Variants in LRRC8D observed in about 807,000 individuals in gnomAD.
The protein encoded by LRRC8D is leucine rich repeat containing 8 VRAC subunit D, also known as volume-regulated anion channel subunit LRRC8D.
LRRC8D carries 20 observed loss-of-function variants against 55.8 expected under a neutral mutation model. That is an observed-to-expected ratio of 0.36 (90% confidence interval 0.25 to 0.52). The LOEUF is 0.52. Ranked by LOEUF, LRRC8D falls within the 20% of genes least tolerant of loss-of-function variation. The pLI, the probability that LRRC8D is intolerant of heterozygous loss-of-function variation, is 0.93. For missense variants in LRRC8D, 651 were observed against 1,030.8 expected, an observed-to-expected ratio of 0.63 and a Z score of 5.05; for synonymous variants, 352 against 377.0, an observed-to-expected ratio of 0.93 and a Z score of 0.77.
intron 2 of LRRC8D, among the ~76,000 whole-genome samples, chr1:89,888,836 G>A (rs1223532038): frequency 6.6e-6 from 1 of 152,166 alleles, no homozygotes; most frequent in Admixed American, 6.5e-5. Flanking sequence ...AAATAAAGTA[G>A]TAATGAACTG....
intron 2 of LRRC8D, among the ~76,000 whole-genome samples, chr1:89,904,985 TG>T (rs1352056760): frequency 7.9e-6 from 1 of 127,208 alleles, no homozygotes; most frequent in Non-Finnish European, 1.9e-5. Flanking sequence ...AATTTTTACA[TG>T]GAAGTACTTG....
intron 2 of LRRC8D, among the ~76,000 whole-genome samples, chr1:89,856,223 T>C (rs1661547289): frequency 6.6e-6 from 1 of 152,180 alleles, no homozygotes; most frequent in Admixed American, 6.5e-5. Flanking sequence ...AAAATTAAAC[T>C]TGCTAGATCA....
chr1:89,920,633 T>A lies in LRRC8D; in HGVS notation c.-2-12434T>A, dbSNP rs77357507. 3.4e-4 allele frequency among the ~76,000 whole-genome samples: 52 copies of A among 151,816 alleles called. 1 individual carries two copies. The East Asian group carries it at 9.5e-3, about 28-fold the overall frequency. On this transcript the variant is annotated intron_variant, in intron 2 of 2. Transcript: ENST00000337338. ...GAATTATATCAGCTATAGAGTATAT[T>A]GTATACTTGTAATACCCATAACTAT...
At chr1:89,923,948 TAAA>T (rs1663488964) in intron 2 of LRRC8D, among the ~76,000 whole-genome samples, 1 of 152,210 alleles carries the variant, frequency 6.6e-6, no homozygotes, top group African/African-American at 2.4e-5. Flanking sequence ...TTAAAGGACT[TAAA>T]GGTAAGACCT....
chr1:89,930,655 G>A (rs1663683626), intron 2 of LRRC8D, among the ~76,000 whole-genome samples: 1 of 151,942 alleles, frequency 6.6e-6, no homozygotes, highest in Admixed American at 6.6e-5. Context: ...TTAAAGCCAT[G>A]GTCCCCAGGT....
At chr1:89,883,662 C>T (rs920787393) in intron 2 of LRRC8D, among the ~76,000 whole-genome samples, 2 of 151,998 alleles carry the variant, frequency 1.3e-5, no homozygotes, top group African/African-American at 2.4e-5. Context: ...GGTGGGGAAA[C>T]CAGAAAGAAA....
chr1:89,835,702 A>G (rs910189429), intron 1 of LRRC8D, among the ~76,000 whole-genome samples: 7 of 152,236 alleles, frequency 4.6e-5, no homozygotes, highest in African/African-American at 1.4e-4. Context: ...CTATAAAATG[A>G]AGATACAATA....
chr1:89,841,092 T>TG (rs1333879940), intron 1 of LRRC8D, among the ~76,000 whole-genome samples: 2 of 152,116 alleles, frequency 1.3e-5, no homozygotes, highest in Non-Finnish European at 1.5e-5. Flanking sequence ...TGAAAAGACA[T>TG]GAAGAGTTGC....
In LRRC8D at chr1:89,935,313, G is replaced by A. The variant is rs774521305; in HGVS notation, c.2245G>A (p.Gly749Arg). 10 of 1,614,140 alleles carry A rather than the reference G, an allele frequency of 6.2e-6. No individual in the cohort carries two copies. The Admixed American group carries it at 1.3e-4, about 22-fold the overall frequency. ...NNISMIPIEI[G>R]LLQNLQHLHI... ...CATTTCAATGATTCCAATAGAAATA[G>A]GATTGCTTCAGAACCTGCAGCATTT... The change falls in exon 3 of 3, where the codon GGA becomes AGA. Residue 749 changes from glycine (G) to arginine (R), a missense_variant. Gly to Arg is a moderately radical substitution (Grantham distance 125). This residue lies in a region of LRRC8D where 338 missense variants were observed against 479.4 expected (regional missense o/e 0.71). Transcript: ENST00000337338.
At chr1:89,847,257 G>A (rs1387559547) in intron 2 of LRRC8D, among the ~76,000 whole-genome samples, 1 of 152,178 alleles carries the variant, frequency 6.6e-6, no homozygotes, top group Non-Finnish European at 1.5e-5. Context: ...TTTCATAAGT[G>A]TTGGATAAAA....
chr1:89,862,617 T>C (rs990390961), intron 2 of LRRC8D, among the ~76,000 whole-genome samples: 18 of 152,232 alleles, frequency 1.2e-4, no homozygotes, highest in African/African-American at 4.3e-4. Flanking sequence ...AGGAGATGGG[T>C]ATAACTGTAT....
intron 1 of LRRC8D, among the ~76,000 whole-genome samples, chr1:89,828,655 C>T (rs1660817820): frequency 6.6e-6 from 1 of 152,138 alleles, no homozygotes; most frequent in African/African-American, 2.4e-5. Flanking sequence ...ACTACCACTC[C>T]TCTGAGGTTT....
At chr1:89,924,737 A>G (rs980231698) in intron 2 of LRRC8D, among the ~76,000 whole-genome samples, 3 of 152,190 alleles carry the variant, frequency 2.0e-5, no homozygotes, top group African/African-American at 7.2e-5. Flanking sequence ...ATGCAACCAT[A>G]GAAAAGAATA....
At chr1:89,873,571 T>G (rs997439942) in intron 2 of LRRC8D, among the ~76,000 whole-genome samples, 2 of 152,200 alleles carry the variant, frequency 1.3e-5, no homozygotes, top group Non-Finnish European at 2.9e-5. Flanking sequence ...AGATAAACAA[T>G]GGACACATTA....
chr1:89,830,903 C>A (rs762371762), intron 1 of LRRC8D, among the ~76,000 whole-genome samples: 50 of 135,816 alleles, frequency 3.7e-4, no homozygotes, highest in Non-Finnish European at 6.8e-4. Context: ...GCACAATACA[C>A]TTTTTTTTTT....
chr1:89,935,819 G>A lies in LRRC8D; in HGVS notation c.*174G>A, dbSNP rs183946944. ...CATAACTGAATGTTCAATGTTTGTAGGGTTTTAAGTCATTCATTTCCAAAT... is the reference window on the plus strand; with the variant it reads ...CATAACTGAATGTTCAATGTTTGTAAGGTTTTAAGTCATTCATTTCCAAAT... On this transcript the variant is annotated 3_prime_UTR_variant, in exon 3 of 3. Transcript: ENST00000337338. 42 of 585,642 alleles carry A rather than the reference G, an allele frequency of 7.2e-5. No individual in the cohort carries two copies. The highest frequency in any genetic ancestry group is 7.0e-4 in the African/African-American group (37 of 53,026). 36.3% of individuals were successfully genotyped at this position (585,642 alleles called of 1,614,324 possible).
At chr1:89,931,281 A>T (rs1663699247) in intron 2 of LRRC8D, among the ~76,000 whole-genome samples, 1 of 148,530 alleles carries the variant, frequency 6.7e-6, no homozygotes, top group African/African-American at 2.5e-5. Flanking sequence ...AAAAAAAAAG[A>T]CCTGGTCCCT....
rs879759344 is a variant in LRRC8D at position 89,931,531 on chromosome 1, T to C, written c.-2-1536T>C. Reference sequence around the variant, plus strand: ...ATCCCAGCACTTTGGGAGGCCAAGGTGGGCAGATCACAAGGTCAGGAGTTC... The same window carrying C: ...ATCCCAGCACTTTGGGAGGCCAAGGCGGGCAGATCACAAGGTCAGGAGTTC... On this transcript the variant is annotated intron_variant, in intron 2 of 2. Coordinates refer to ENST00000337338, the MANE Select transcript of LRRC8D (RefSeq NM_001134479.2). Among the ~76,000 whole-genome samples the C allele has an allele frequency of 7.2e-5, 11 of 151,950 alleles. No individual in the cohort carries two copies. In the South Asian group the frequency reaches 2.3e-3, roughly 32 times the overall value.
chr1:89,864,214 T>C (rs1383830511), intron 2 of LRRC8D, among the ~76,000 whole-genome samples: 1 of 152,246 alleles, frequency 6.6e-6, no homozygotes, highest in Non-Finnish European at 1.5e-5. Context: ...TATTGCCGCC[T>C]CTGGGTGTGA....
Sources: gnomAD v4.1 joint callset for allele counts (sites outside exome capture counted in the v4.1 genomes callset) on GRCh38, gnomAD v4.1.1 for gene constraint, gnomAD v4.1.1 regional missense constraint, MANE v1.5 for transcripts, NCBI Gene and HGNC (gene_info 2026-07-23, HGNC 2026-07-21) for gene names.